Variants in KHDRBS3 observed in about 807,000 individuals in gnomAD.
The protein encoded by KHDRBS3 is KH domain-containing, RNA-binding, signal transduction-associated protein 3.
A neutral mutation model predicts 45.6 loss-of-function variants in KHDRBS3; 23 were observed. The observed-to-expected ratio is 0.50, with a 90% CI of 0.36 to 0.72. The LOEUF (loss-of-function observed/expected upper bound fraction) is 0.72, where lower values mean the gene tolerates loss of function less well. KHDRBS3 is among the 30% of genes least tolerant of loss of function. The probability of loss-of-function intolerance (pLI) is 0.00; values close to 1 mark genes in which losing one functional copy is unlikely to be tolerated. For synonymous variants in KHDRBS3, 162 were observed against 156.5 expected (o/e 1.04, Z -0.26); for missense variants, 352 against 424.8 (o/e 0.83, Z 1.51).
chr8:135,512,929 G>A (rs1379049503), intron 1 of KHDRBS3, among the ~76,000 whole-genome samples: 1 of 152,148 alleles, frequency 6.6e-6, no homozygotes, highest in African/African-American at 2.4e-5. Context: ...TTAAGAGCTG[G>A]AGGCTAGGCG....
intron 5 of KHDRBS3, among the ~76,000 whole-genome samples, chr8:135,561,272 C>T (rs1156791838): frequency 6.6e-6 from 1 of 152,146 alleles, no homozygotes; most frequent in Non-Finnish European, 1.5e-5. Flanking sequence ...TATATTGCAG[C>T]TACTATTGGT....
intron 1 of KHDRBS3, among the ~76,000 whole-genome samples, chr8:135,518,318 G>T (rs770871104): frequency 4.6e-5 from 7 of 151,952 alleles, no homozygotes; most frequent in Non-Finnish European, 1.0e-4. Flanking sequence ...GACTACAGGC[G>T]CCTGCCACCA....
At chr8:135,612,763 A>C (rs1829756553) in intron 7 of KHDRBS3, among the ~76,000 whole-genome samples, 1 of 151,798 alleles carries the variant, frequency 6.6e-6, no homozygotes, top group Non-Finnish European at 1.5e-5. Flanking sequence ...CAGAGGTAAA[A>C]GCTGCTCAGT....
chr8:135,605,565 G>A (rs1426646225), intron 6 of KHDRBS3, among the ~76,000 whole-genome samples: 3 of 152,086 alleles, frequency 2.0e-5, no homozygotes, highest in Non-Finnish European at 2.9e-5. Context: ...AAAGGGTATT[G>A]TTTGATTCCT....
At chr8:135,547,525 T>C (rs1162341871) in intron 3 of KHDRBS3, among the ~76,000 whole-genome samples, 1 of 152,206 alleles carries the variant, frequency 6.6e-6, no homozygotes, top group Non-Finnish European at 1.5e-5. Context: ...AAATTATAGG[T>C]GACTAAATCC....
chr8:135,511,638 C>G (rs1824291653), intron 1 of KHDRBS3, among the ~76,000 whole-genome samples: 2 of 152,120 alleles, frequency 1.3e-5, no homozygotes, highest in African/African-American at 4.8e-5. Flanking sequence ...TCACTGCAAG[C>G]CCCGCCTCCT....
chr8:135,486,373 G>T (rs1563714477), intron 1 of KHDRBS3, among the ~76,000 whole-genome samples: 1 of 152,186 alleles, frequency 6.6e-6, no homozygotes, highest in Non-Finnish European at 1.5e-5. Flanking sequence ...AGCTCAGTTT[G>T]TCTACAAGTA....
chr8:135,469,245 G>T (rs888385449), intron 1 of KHDRBS3, among the ~76,000 whole-genome samples: 1 of 152,224 alleles, frequency 6.6e-6, no homozygotes, highest in Non-Finnish European at 1.5e-5. Context: ...GAGAAATCAG[G>T]GAGTGATCCC....
chr8:135,653,416 C>T (rs900822849), intron 4 of KHDRBS3, among the ~76,000 whole-genome samples: 1 of 152,096 alleles, frequency 6.6e-6, no homozygotes, highest in Non-Finnish European at 1.5e-5. Flanking sequence ...ACAGACAGTC[C>T]CTACTACAAT....
intron 1 of KHDRBS3, among the ~76,000 whole-genome samples, chr8:135,467,445 G>T (rs1396679716): frequency 6.6e-6 from 1 of 152,232 alleles, no homozygotes; most frequent in East Asian, 1.9e-4. Flanking sequence ...GTCTTTTACA[G>T]GACCCAAGTC....
chr8:135,483,931 A>G (rs919683149), intron 1 of KHDRBS3, among the ~76,000 whole-genome samples: 1 of 152,114 alleles, frequency 6.6e-6, no homozygotes, highest in Non-Finnish European at 1.5e-5. Context: ...TTGAATGTTC[A>G]CTATTTTTGG....
At chr8:135,525,128 G>A (rs1370999409) in intron 2 of KHDRBS3, among the ~76,000 whole-genome samples, 1 of 152,118 alleles carries the variant, frequency 6.6e-6, no homozygotes, top group Non-Finnish European at 1.5e-5. Context: ...GTACATTGTA[G>A]AAACCTTGGA....
chr8:135,490,243 T>C (rs1823078391), intron 1 of KHDRBS3, among the ~76,000 whole-genome samples: 1 of 152,220 alleles, frequency 6.6e-6, no homozygotes, highest in Admixed American at 6.5e-5. Flanking sequence ...ACTGTTTATG[T>C]TACCAGTGTG....
chr8:135,565,186 C>A (rs1169542157), intron 5 of KHDRBS3, among the ~76,000 whole-genome samples: 1 of 151,960 alleles, frequency 6.6e-6, no homozygotes, highest in Non-Finnish European at 1.5e-5. Flanking sequence ...GCTTCTTGCC[C>A]GGTTTAAGAT....
At chr8:135,540,411 G>A (rs1225627695) in intron 2 of KHDRBS3, 1 of 152,160 alleles carries the variant, frequency 6.6e-6, no homozygotes, top group Non-Finnish European at 1.5e-5. Flanking sequence ...GAGTAGACTT[G>A]GTTGAAAGGT....
chr8:135,643,247 A>T (rs1252702118), intron 7 of KHDRBS3, among the ~76,000 whole-genome samples: 1 of 151,800 alleles, frequency 6.6e-6, no homozygotes, highest in African/African-American at 2.4e-5. Context: ...TTCCTTCTCC[A>T]CCTGTCTTCA....
At chr8:135,522,437 G>A (rs550751935) in intron 2 of KHDRBS3, among the ~76,000 whole-genome samples, 5 of 152,186 alleles carry the variant, frequency 3.3e-5, no homozygotes, top group South Asian at 4.2e-4. Context: ...TATTAAATAC[G>A]CAGTATTGAA....
chr8:135,470,408 C>G (rs1243097480), intron 1 of KHDRBS3, among the ~76,000 whole-genome samples: 1 of 151,936 alleles, frequency 6.6e-6, no homozygotes, highest in Non-Finnish European at 1.5e-5. Context: ...GTTTGGTGTA[C>G]CACCCATTCA....
rs748471819 is a variant in KHDRBS3, at chr8:135,548,944, TTTGCTTTAATCC to T, written c.471+48_471+59del. ...GATAGTTAACTTGTACTTTAAAGTC[TTTGCTTTAATCC>T]TTGATACTTCTTGTCTGTAACTGTT... is the stretch of plus-strand genomic sequence containing the variant. On this transcript the variant is annotated intron_variant, in intron 4 of 8. Transcript: ENST00000355849. The T allele has an allele frequency of 2.1e-6, 3 of 1,395,408 alleles. No homozygotes were observed. The East Asian group carries it at 7.2e-5, about 33-fold the overall frequency. 86.4% of individuals were successfully genotyped at this position (1,395,408 alleles called of 1,614,324 possible). A position where few individuals can be genotyped will look rare whatever the true frequency, so the allele number is the denominator to read the frequency against.
Sources: allele counts gnomAD v4.1 joint callset (sites outside exome capture counted in the v4.1 genomes callset), GRCh38; gene constraint gnomAD v4.1.1; transcripts MANE v1.5; gene names NCBI Gene and HGNC (gene_info 2026-07-23, HGNC 2026-07-21).